RYR3: variants seen among roughly 807,000 people sequenced by gnomAD.
RYR3 encodes brain ryanodine receptor-calcium release channel.
A neutral mutation model predicts 584.3 loss-of-function variants in RYR3; 207 were observed. That is an observed-to-expected ratio of 0.35 (90% CI 0.32 to 0.40). The LOEUF (loss-of-function observed/expected upper bound fraction) is 0.40. Among genes scored for constraint, RYR3 ranks in the 10% least tolerant of loss-of-function variants. RYR3 has a pLI of 1.00. For missense variants in RYR3, 5,616 were observed against 6,089.2 expected (o/e 0.92, Z 2.59); for synonymous variants, 2,416 against 2,248.5 (o/e 1.07, Z -2.11).
intron 1 of RYR3, among the ~76,000 whole-genome samples, chr15:33,382,272 T>G (rs1475249141): frequency 1.3e-5 from 2 of 150,844 alleles, no homozygotes; most frequent in Non-Finnish European, 2.9e-5. Context: ...TGCATTAGTA[T>G]AGGTACCAAC....
intron 32 of RYR3, 29 bp downstream of exon 32, chr15:33,652,912 G>A: frequency 1.3e-6 from 2 of 1,586,784 alleles, no homozygotes; most frequent in South Asian, 2.3e-5. Flanking sequence ...GCCGAAACAG[G>A]GCTATCCCAG....
intron 42 of RYR3, among the ~76,000 whole-genome samples, chr15:33,703,393 A>G (rs990201032): frequency 2.0e-5 from 3 of 152,208 alleles, no homozygotes; most frequent in Non-Finnish European, 4.4e-5. Context: ...TGGAAGCTGG[A>G]AGTCCAAGAT....
intron 2 of RYR3, among the ~76,000 whole-genome samples, chr15:33,498,030 C>T (rs140442207): frequency 5.3e-5 from 8 of 152,258 alleles, no homozygotes; most frequent in Admixed American, 6.5e-5. Context: ...CATGTTGCCA[C>T]GAATGACAGG....
In RYR3 at chr15:33,632,888, A is replaced by C. The variant is rs1416296931; in HGVS notation, c.2868-61A>C. The C allele has an allele frequency of 3.4e-6, 5 of 1,480,838 alleles. No homozygotes were observed. The East Asian group carries it at 1.1e-4, about 34-fold the overall frequency. 91.7% of individuals were successfully genotyped at this position (1,480,838 alleles called of 1,614,324 possible). A position where few individuals can be genotyped will look rare whatever the true frequency, so the allele number is the denominator to read the frequency against. ...TCTTACCATGTGCTCTTGGTCTAAA[A>C]TCCGGAATGAGAAACTCATGGAGAT... On this transcript the variant is annotated intron_variant, in intron 23 of 103. Coordinates refer to ENST00000634891, the MANE Select transcript of RYR3 (RefSeq NM_001036.6).
At chr15:33,420,530 A>C (rs1343537331) in intron 1 of RYR3, among the ~76,000 whole-genome samples, 1 of 152,150 alleles carries the variant, frequency 6.6e-6, no homozygotes, top group Non-Finnish European at 1.5e-5. Flanking sequence ...TGTTCTTGCA[A>C]CATCCTGATG....
intron 52 of RYR3, among the ~76,000 whole-genome samples, chr15:33,743,332 C>T (rs2070358678): frequency 6.6e-6 from 1 of 152,154 alleles, no homozygotes. Flanking sequence ...CAGGAGTTGG[C>T]AAATCTGTTC....
chr15:33,641,082 T>C (rs938757609), intron 27 of RYR3, among the ~76,000 whole-genome samples: 1 of 152,250 alleles, frequency 6.6e-6, no homozygotes, highest in Non-Finnish European at 1.5e-5. Context: ...GTTGTGGTTA[T>C]GGGTCTCCAT....
chr15:33,469,534 G>A (rs552540667), intron 1 of RYR3, among the ~76,000 whole-genome samples: 4 of 151,902 alleles, frequency 2.6e-5, no homozygotes, highest in East Asian at 1.9e-4. Context: ...AAAAGGGGAG[G>A]ACTCAGAGAT....
intron 38 of RYR3, among the ~76,000 whole-genome samples, chr15:33,691,665 T>A (rs2065446128): frequency 6.6e-6 from 1 of 152,242 alleles, no homozygotes; most frequent in Non-Finnish European, 1.5e-5. Flanking sequence ...TGAACTTTAA[T>A]ACATAGCAGA....
chr15:33,595,350 A>G (rs1483002776), intron 16 of RYR3, among the ~76,000 whole-genome samples: 2 of 152,200 alleles, frequency 1.3e-5, no homozygotes, highest in East Asian at 3.8e-4. Context: ...ATTATAAAAT[A>G]TAACTTCCGT....
At chr15:33,562,810 G>A in intron 10 of RYR3, 27 bp from the exon 11 acceptor site, 1 of 1,577,110 alleles carries the variant, frequency 6.3e-7, no homozygotes. Context: ...CTATGCCTAT[G>A]TTTGTTTCTT....
Position 33,635,613 on chromosome 15 carries a change from G to A in RYR3, c.3176-1G>A. 1 of 1,612,792 alleles carries A rather than the reference G, an allele frequency of 6.2e-7. No individual in the cohort carries two copies. The highest frequency in any genetic ancestry group is 8.5e-7 in the Non-Finnish European group (1 of 1,179,236). On this transcript the variant is annotated splice_acceptor_variant, in intron 25 of 103. Transcript: ENST00000634891. LOFTEE classifies it high-confidence loss of function. Reference sequence around the variant, plus strand: ...TCTGTTCGCCTTTCTTCTCACAATAGCTGACTCGGCTGTGGAGAAGGTCAG... The same window carrying A: ...TCTGTTCGCCTTTCTTCTCACAATAACTGACTCGGCTGTGGAGAAGGTCAG...
intron 1 of RYR3, among the ~76,000 whole-genome samples, chr15:33,312,315 A>C (rs1335943640): frequency 2.0e-5 from 3 of 151,756 alleles, no homozygotes; most frequent in Non-Finnish European, 4.4e-5. Flanking sequence ...CTTCCTTCCA[A>C]TTTACTTCAG....
chr15:33,827,127 T>C, intron 84 of RYR3, 72 bp from the exon 85 acceptor site: 1 of 1,232,392 alleles, frequency 8.1e-7, no homozygotes. Flanking sequence ...TTATCTGAGC[T>C]CAGCTGAGAG....
chr15:33,335,277 C>G (rs1970825412), intron 1 of RYR3, among the ~76,000 whole-genome samples: 1 of 152,162 alleles, frequency 6.6e-6, no homozygotes, highest in South Asian at 2.1e-4. Flanking sequence ...TAGAATCAAC[C>G]TAAATGCCCA....
intron 95 of RYR3, 57 bp from the exon 96 acceptor site, chr15:33,853,498 A>G (rs2152998847): frequency 6.3e-7 from 1 of 1,589,980 alleles, no homozygotes; most frequent in South Asian, 1.1e-5. Context: ...CCCCAGAGCT[A>G]GAAAATATTT....
Position 33,722,826 on chromosome 15 carries a change from T to C in RYR3, c.6731T>C (p.Met2244Thr), listed in dbSNP as rs1357800937. 6.2e-7 allele frequency: 1 copy of C among 1,612,782 alleles called. No homozygotes were observed. The highest frequency in any genetic ancestry group is 2.2e-5 in the East Asian group (1 of 44,850). The change falls in exon 44 of 104, where the codon ATG becomes ACG. Residue 2244 changes from methionine to threonine, a missense_variant. Physicochemically the swap from Met to Thr is moderately conservative, Grantham distance 81. Around this residue, in one of 9 missense-constraint regions of RYR3, gnomAD observed 1,280 missense variants for 1,426.2 expected, o/e 0.90. Transcript: ENST00000634891. ...GGGGGAAACGGGCTCTTGGCAGCCA[T>C]GCAGGGTGCCATTAAGATCTCTGAG... ...GEGGNGLLAA[M>T]QGAIKISENP...
chr15:33,454,791 A>G (rs1270914418), intron 1 of RYR3, among the ~76,000 whole-genome samples: 3 of 152,192 alleles, frequency 2.0e-5, no homozygotes, highest in Admixed American at 6.5e-5. Flanking sequence ...CACTGCAGCA[A>G]TAGCTCCATA....
intron 1 of RYR3, among the ~76,000 whole-genome samples, chr15:33,331,983 G>A (rs1008923344): frequency 6.6e-6 from 1 of 151,860 alleles, no homozygotes; most frequent in African/African-American, 2.4e-5. Flanking sequence ...TAGACTTTAA[G>A]TATAATATGC....
Sources: gnomAD v4.1 joint callset for allele counts (sites outside exome capture counted in the v4.1 genomes callset) on GRCh38, gnomAD v4.1.1 for gene constraint, gnomAD v4.1.1 regional missense constraint, MANE v1.5 for transcripts, NCBI Gene and HGNC (gene_info 2026-07-23, HGNC 2026-07-21) for gene names.